Variants in AK7 observed in about 807,000 individuals in gnomAD.
AK7 encodes adenylate kinase 7.
AK7 carries 78 observed loss-of-function variants against 96.6 expected under a neutral mutation model. The ratio of observed to expected loss-of-function variants is 0.81; its 90% CI spans 0.67 to 0.97. The LOEUF (loss-of-function observed/expected upper bound fraction) is 0.97. Among genes scored for constraint, AK7 ranks in the 50% least tolerant of loss-of-function variants. AK7 has a pLI of 0.00. For synonymous variants in AK7, 302 were observed against 317.2 expected (o/e 0.95, Z 0.51); for missense variants, 855 against 887.9 (o/e 0.96, Z 0.47).
At chr14:96,461,393 G>A (rs747805057) in intron 12 of AK7, among the ~76,000 whole-genome samples, 8 of 152,174 alleles carry the variant, frequency 5.3e-5, no homozygotes, top group African/African-American at 1.2e-4. Context: ...AATCTGTCAA[G>A]GTCACATTGA....
At chr14:96,463,633 T>C (rs1894389847) in intron 12 of AK7, among the ~76,000 whole-genome samples, 1 of 144,424 alleles carries the variant, frequency 6.9e-6, no homozygotes, top group African/African-American at 2.6e-5. Context: ...GGCAGGAGAA[T>C]GGTGTGAACC....
chr14:96,483,656 T>G (rs1364705411), intron 16 of AK7, among the ~76,000 whole-genome samples: 9 of 152,030 alleles, frequency 5.9e-5, no homozygotes, highest in South Asian at 4.1e-4. Context: ...AAACTCCTAA[T>G]CTCAAGTGAT....
At chr14:96,429,157 A>T (rs924135692) in intron 5 of AK7, among the ~76,000 whole-genome samples, 6 of 149,462 alleles carry the variant, frequency 4.0e-5, no homozygotes, top group Admixed American at 2.0e-4. Flanking sequence ...TAAGGAAGGG[A>T]TCCAGTTTCA....
Position 96,471,482 on chromosome 14 carries a change from A to G in AK7, c.1362A>G (p.Gln454=). ...ACATATATGTTTTTTTATCAGGTCAACTAGACGATCAATATATAATTAGAT... is the reference window on the plus strand; with the variant it reads ...ACATATATGTTTTTTTATCAGGTCAGCTAGACGATCAATATATAATTAGAT... ...IKESMEQNAG[Q]LDDQYIIRFM... The change falls in exon 13 of 18, where the codon CAA becomes CAG. Residue 454 remains glutamine (Q), a synonymous_variant. Coordinates refer to ENST00000267584, the MANE Select transcript of AK7 (RefSeq NM_152327.5). 1 of 1,442,060 alleles carries G rather than the reference A, an allele frequency of 6.9e-7. No individual in the cohort carries two copies. Among genetic ancestry groups the G allele is most frequent in the Non-Finnish European group, 9.6e-7 (1 of 1,047,092 alleles). The allele number at this position is 1,442,060 out of a possible 1,614,324, so 89.3% of individuals were successfully genotyped here.
chr14:96,452,378 A>G (rs1893655925), intron 10 of AK7, among the ~76,000 whole-genome samples: 1 of 151,976 alleles, frequency 6.6e-6, no homozygotes, highest in African/African-American at 2.4e-5. Context: ...GCTGGAGTGC[A>G]GCAGTGTGAT....
At chr14:96,483,872 G>T (rs1895639002) in intron 16 of AK7, among the ~76,000 whole-genome samples, 1 of 152,088 alleles carries the variant, frequency 6.6e-6, no homozygotes, top group African/African-American at 2.4e-5. Flanking sequence ...CAGGTGGTCA[G>T]CTTCTTTCCA....
chr14:96,483,316 CT>C lies in AK7; in HGVS notation c.1974+98del. ...GGCCAGTTCCACTTCCCATCCTGCTCTAGGGAAATGTCATGGAAATACCCTA... is the reference window on the plus strand; with the variant it reads ...GGCCAGTTCCACTTCCCATCCTGCTCAGGGAAATGTCATGGAAATACCCTA... On this transcript the variant is annotated intron_variant, in intron 16 of 17. Transcript: ENST00000267584. 7 of 1,243,282 alleles carry C rather than the reference CT, an allele frequency of 5.6e-6. No homozygotes were observed. In the South Asian group the frequency reaches 1.0e-4, roughly 18 times the overall value. The allele number at this position is 1,243,282 out of a possible 1,614,324, so 77.0% of individuals were successfully genotyped here. A position where few individuals can be genotyped will look rare whatever the true frequency, so the allele number is the denominator to read the frequency against.
intron 5 of AK7, among the ~76,000 whole-genome samples, chr14:96,432,645 C>T (rs549548742): frequency 7.9e-5 from 12 of 152,098 alleles, no homozygotes; most frequent in African/African-American, 2.9e-4. Flanking sequence ...ACTTACGAAG[C>T]TTAGTTTGGC....
Position 96,450,596 on chromosome 14 carries a change from A to G in AK7, c.948+717A>G, listed in dbSNP as rs543310585. The stretch of plus-strand genomic sequence containing the variant: ...AAAAAAAAAAAATAGGGTTTTTTGC[A>G]GTGTGCTTTTCAAGCTTGCATTAGA... On this transcript the variant is annotated intron_variant, in intron 9 of 17. Coordinates refer to ENST00000267584, the MANE Select transcript of AK7 (RefSeq NM_152327.5). Among the ~76,000 whole-genome samples, 4 of 151,436 alleles carry G rather than the reference A, an allele frequency of 2.6e-5. No individual in the cohort carries two copies. In the South Asian group the frequency reaches 8.3e-4, roughly 32 times the overall value.
chr14:96,468,065 C>G (rs1054151116), intron 12 of AK7, among the ~76,000 whole-genome samples: 1 of 124,234 alleles, frequency 8.0e-6, no homozygotes, highest in Non-Finnish European at 1.7e-5. Flanking sequence ...AGCAAGACCC[C>G]GTCTCTACAA....
chr14:96,441,144 A>C (rs1892934936), intron 6 of AK7, among the ~76,000 whole-genome samples: 1 of 152,170 alleles, frequency 6.6e-6, no homozygotes, highest in Non-Finnish European at 1.5e-5. Context: ...TTTTTATGTA[A>C]GATAAAATAG....
intron 15 of AK7, among the ~76,000 whole-genome samples, chr14:96,482,703 C>T (rs1346273219): frequency 1.3e-5 from 2 of 152,162 alleles, no homozygotes; most frequent in East Asian, 1.9e-4. Context: ...TACTTCCAGG[C>T]ATGGAGAGCT....
intron 14 of AK7, among the ~76,000 whole-genome samples, chr14:96,475,322 C>T (rs1895114050): frequency 6.6e-6 from 1 of 152,118 alleles, no homozygotes; most frequent in African/African-American, 2.4e-5. Flanking sequence ...TTAGGATTCC[C>T]TAGAGATGGG....
intron 5 of AK7, among the ~76,000 whole-genome samples, chr14:96,422,556 C>A (rs572994414): frequency 6.6e-6 from 1 of 152,172 alleles, no homozygotes; most frequent in East Asian, 1.9e-4. Flanking sequence ...ATTCCATTCC[C>A]AGAGCTATGA....
At chr14:96,393,554 C>T (rs902909600) in intron 1 of AK7, among the ~76,000 whole-genome samples, 12 of 152,172 alleles carry the variant, frequency 7.9e-5, no homozygotes, top group African/African-American at 2.7e-4. Context: ...TAATTCTTGG[C>T]ACCCCTTGGC....
At chr14:96,434,842 A>G (rs1892554175) in intron 5 of AK7, among the ~76,000 whole-genome samples, 1 of 152,028 alleles carries the variant, frequency 6.6e-6, no homozygotes, top group Non-Finnish European at 1.5e-5. Context: ...CTTCTTTCCA[A>G]AGACAGAGGA....
At chr14:96,428,645 G>C (rs1231724170) in intron 5 of AK7, among the ~76,000 whole-genome samples, 1 of 152,138 alleles carries the variant, frequency 6.6e-6, no homozygotes. Flanking sequence ...ACTTTTTAAT[G>C]ATTGCCATTC....
At chr14:96,423,654 C>T (rs1891842738) in intron 5 of AK7, 15 of 619,026 alleles carry the variant, frequency 2.4e-5, no homozygotes, top group South Asian at 2.1e-4. Context: ...GAGAACACAG[C>T]TCGGGGCCTC....
At chr14:96,430,611 G>T (rs532687267) in intron 5 of AK7, among the ~76,000 whole-genome samples, 2 of 152,294 alleles carry the variant, frequency 1.3e-5, no homozygotes, top group African/African-American at 4.8e-5. Context: ...AACCAGCCTT[G>T]CATCCCAGGG....
Sources: allele counts gnomAD v4.1 joint callset (sites outside exome capture counted in the v4.1 genomes callset), GRCh38; gene constraint gnomAD v4.1.1; transcripts MANE v1.5; gene names NCBI Gene and HGNC (gene_info 2026-07-23, HGNC 2026-07-21).